ATP8B4: variants seen among roughly 807,000 people sequenced by gnomAD.
ATP8B4 encodes the protein ATPase phospholipid transporting 8B4 (putative).
ATP8B4 carries 133 observed loss-of-function variants against 145.6 expected under a neutral mutation model. The ratio of observed to expected loss-of-function variants is 0.91; its 90% confidence interval spans 0.79 to 1.05. The LOEUF is 1.05. Among genes scored for constraint, ATP8B4 ranks in the 50% least tolerant of loss-of-function variants. ATP8B4 has a pLI of 0.00. For synonymous variants in ATP8B4, 507 were observed against 492.9 expected, an observed-to-expected ratio of 1.03 and a Z score of -0.38; for missense variants, 1,458 against 1,425.2, an observed-to-expected ratio of 1.02 and a Z score of -0.37.
chr15:49,938,819 C>A (rs759514246), intron 14 of ATP8B4, among the ~76,000 whole-genome samples: 14 of 152,108 alleles, frequency 9.2e-5, no homozygotes, highest in Non-Finnish European at 1.9e-4. Flanking sequence ...TTCTCTTCTG[C>A]ACGTGACACA....
intron 20 of ATP8B4, among the ~76,000 whole-genome samples, chr15:49,913,522 G>A (rs1300036897): frequency 4.6e-5 from 7 of 152,050 alleles, no homozygotes; most frequent in Non-Finnish European, 1.5e-5. Flanking sequence ...CCTAGTCAGA[G>A]CAATCAGGCA....
At chr15:50,166,307 A>T (rs1201508153) in intron 1 of ATP8B4, among the ~76,000 whole-genome samples, 1 of 152,248 alleles carries the variant, frequency 6.6e-6, no homozygotes, top group African/African-American at 2.4e-5. Flanking sequence ...ATGTCATCAG[A>T]CAAAAATTTG....
rs777377084 is a variant in ATP8B4 at position 49,898,131 on chromosome 15, T to C, written c.2410A>G (p.Lys804Glu). ...QKAQVVELVK[K>E]YRNAVTLAIG... ...GCCAAAGTAACAGCATTTCTGTACT[T>C]CTTCACCAGCTCTACCACTTGGGCT... The change falls in exon 22 of 28, where the codon AAG becomes GAG. Residue 804 changes from lysine to glutamate, a missense_variant. Coordinates refer to ENST00000284509, the MANE Select transcript of ATP8B4 (RefSeq NM_024837.4). The C allele has an allele frequency of 6.2e-7, 1 of 1,613,968 alleles. No individual in the cohort carries two copies. The highest frequency in any genetic ancestry group is 8.5e-7 in the Non-Finnish European group (1 of 1,179,900).
intron 3 of ATP8B4, among the ~76,000 whole-genome samples, chr15:50,061,975 G>A (rs1043108818): frequency 3.3e-5 from 5 of 152,108 alleles, no homozygotes; most frequent in Admixed American, 6.5e-5. Context: ...ACTTAACTTT[G>A]TAATGTCTAA....
chr15:50,083,786 T>C (rs1163405135), intron 2 of ATP8B4, among the ~76,000 whole-genome samples: 2 of 152,240 alleles, frequency 1.3e-5, no homozygotes, highest in Non-Finnish European at 2.9e-5. Flanking sequence ...ATTAATTTAC[T>C]AGAGCCAAGG....
chr15:50,004,500 A>AC (rs1189240684), intron 7 of ATP8B4, among the ~76,000 whole-genome samples: 1 of 152,146 alleles, frequency 6.6e-6, no homozygotes, highest in African/African-American at 2.4e-5. Flanking sequence ...AGTAAATCCT[A>AC]CGGGGACCCA....
At chr15:50,007,402 G>A (rs896953512) in intron 7 of ATP8B4, among the ~76,000 whole-genome samples, 3 of 152,184 alleles carry the variant, frequency 2.0e-5, no homozygotes, top group Non-Finnish European at 2.9e-5. Context: ...GTTAGAAGTG[G>A]AGGCACTTGA....
chr15:50,162,340 T>G (rs1404586380), intron 1 of ATP8B4, among the ~76,000 whole-genome samples: 1 of 151,016 alleles, frequency 6.6e-6, no homozygotes, highest in Non-Finnish European at 1.5e-5. Flanking sequence ...TATTAATATC[T>G]ACTTATACTT....
At chr15:50,077,334 A>G (rs2054246395) in intron 2 of ATP8B4, among the ~76,000 whole-genome samples, 1 of 152,230 alleles carries the variant, frequency 6.6e-6, no homozygotes. Flanking sequence ...ATTACAGAAA[A>G]CATTTTTTAA....
chr15:49,901,665 T>C (rs1369758917), intron 20 of ATP8B4: 1 of 297,996 alleles, frequency 3.4e-6, no homozygotes, highest in African/African-American at 2.3e-5. Context: ...TTCCAGGACA[T>C]CTATATATAA....
At chr15:49,980,838 G>T (rs531914901) in intron 11 of ATP8B4, among the ~76,000 whole-genome samples, 1 of 152,182 alleles carries the variant, frequency 6.6e-6, no homozygotes, top group Non-Finnish European at 1.5e-5. Flanking sequence ...TCACACACCC[G>T]TGAAGCCAGC....
intron 9 of ATP8B4, among the ~76,000 whole-genome samples, chr15:49,988,483 A>T (rs2046809831): frequency 6.6e-6 from 1 of 152,134 alleles, no homozygotes; most frequent in Admixed American, 6.6e-5. Context: ...GAGGGGAGAT[A>T]TGAAAAAGGA....
intron 13 of ATP8B4, 103 bp downstream of exon 13, chr15:49,972,479 A>C (rs1433491868): frequency 8.9e-7 from 1 of 1,121,996 alleles, no homozygotes; most frequent in Non-Finnish European, 1.3e-6. Context: ...TATTAATAAG[A>C]AAGCCAGCGA....
At chr15:50,080,429 T>C (rs968126431) in intron 2 of ATP8B4, among the ~76,000 whole-genome samples, 3 of 152,336 alleles carry the variant, frequency 2.0e-5, no homozygotes, top group South Asian at 4.1e-4. Context: ...ATAGGGCTGA[T>C]GGTTTGTTAA....
chr15:50,169,123 T>C (rs1049811499), intron 1 of ATP8B4, among the ~76,000 whole-genome samples: 13 of 152,154 alleles, frequency 8.5e-5, no homozygotes, highest in African/African-American at 2.7e-4. Flanking sequence ...AAACGGCCTA[T>C]AATCTTGGGA....
chr15:49,885,469 A>G (rs1230286526), intron 23 of ATP8B4, among the ~76,000 whole-genome samples: 2 of 152,216 alleles, frequency 1.3e-5, no homozygotes, highest in African/African-American at 2.4e-5. Context: ...ACTCACAACT[A>G]TAATTTTAAT....
chr15:50,021,768 T>C (rs1208103752), intron 6 of ATP8B4, among the ~76,000 whole-genome samples: 1 of 152,234 alleles, frequency 6.6e-6, no homozygotes, highest in African/African-American at 2.4e-5. Context: ...AGGGCAGGGA[T>C]TTATCTGGCC....
intron 2 of ATP8B4, among the ~76,000 whole-genome samples, chr15:50,097,008 A>T (rs2056033996): frequency 6.6e-6 from 1 of 152,180 alleles, no homozygotes; most frequent in Non-Finnish European, 1.5e-5. Context: ...AAGAAAATAG[A>T]TGACTTTTTA....
intron 24 of ATP8B4, among the ~76,000 whole-genome samples, chr15:49,877,486 T>A (rs1159820585): frequency 6.6e-6 from 1 of 152,070 alleles, no homozygotes; most frequent in Non-Finnish European, 1.5e-5. Context: ...ATGGCCCAGG[T>A]CTCTCCAAAC....
Sources: allele counts gnomAD v4.1 joint callset (sites outside exome capture counted in the v4.1 genomes callset), GRCh38; gene constraint gnomAD v4.1.1; transcripts MANE v1.5; gene names NCBI Gene and HGNC (gene_info 2026-07-23, HGNC 2026-07-21).